Variants in SUSD4 observed in about 807,000 individuals in gnomAD.
SUSD4 encodes sushi domain containing 4.
Under a neutral mutation model 50.5 loss-of-function variants are expected in SUSD4, and 41 were observed. The ratio of observed to expected loss-of-function variants is 0.81; its 90% confidence interval spans 0.63 to 1.05. SUSD4 has a LOEUF of 1.05. Among genes scored for constraint, SUSD4 ranks in the 50% least tolerant of loss-of-function variants. SUSD4 has a pLI of 0.00. For missense variants in SUSD4, 580 were observed against 634.7 expected (o/e 0.91, Z 0.93); for synonymous variants, 257 against 257.3 (o/e 1.00, Z 0.01).
At chr1:223,239,424 T>G (rs755219302) in intron 5 of SUSD4, among the ~76,000 whole-genome samples, 2 of 152,122 alleles carry the variant, frequency 1.3e-5, no homozygotes, top group Non-Finnish European at 2.9e-5. Flanking sequence ...TATTGTTATC[T>G]TCCACTTTTT....
At chr1:223,274,979 A>C (rs1663159402) in intron 3 of SUSD4, among the ~76,000 whole-genome samples, 1 of 152,216 alleles carries the variant, frequency 6.6e-6, no homozygotes, top group Non-Finnish European at 1.5e-5. Flanking sequence ...AAAAATACTG[A>C]CTGTTCAGTG....
chr1:223,293,326 C>G (rs1215988862), intron 2 of SUSD4, among the ~76,000 whole-genome samples: 1 of 152,178 alleles, frequency 6.6e-6, no homozygotes. Context: ...CTGCCTCATC[C>G]CTACTTTGTT....
intron 3 of SUSD4, among the ~76,000 whole-genome samples, chr1:223,284,597 G>GA (rs1301647561): frequency 1.3e-5 from 2 of 152,156 alleles, no homozygotes; most frequent in Non-Finnish European, 1.5e-5. Flanking sequence ...CCAAGATATG[G>GA]AATCAACCTC....
At chr1:223,266,819 T>C (rs1450044809) in intron 4 of SUSD4, among the ~76,000 whole-genome samples, 1 of 152,218 alleles carries the variant, frequency 6.6e-6, no homozygotes, top group African/African-American at 2.4e-5. Context: ...GGTGTCAGAC[T>C]GTCCAAGGCA....
intron 3 of SUSD4, among the ~76,000 whole-genome samples, chr1:223,281,031 G>A (rs2103115696): frequency 6.6e-6 from 1 of 152,312 alleles, no homozygotes; most frequent in South Asian, 2.1e-4. Context: ...GATGTTCTTT[G>A]AAACCAATGA....
intron 1 of SUSD4, 142 bp from the exon 2 acceptor site, chr1:223,363,602 TC>T: frequency 2.0e-6 from 2 of 1,008,580 alleles, no homozygotes; most frequent in South Asian, 2.3e-5. Context: ...CCGCCCCCTT[TC>T]CCACGGCGAG....
At chr1:223,364,869 T>C (rs1035663870), upstream of SUSD4, among the ~76,000 whole-genome samples, 4 of 152,086 alleles carry the variant, frequency 2.6e-5, no homozygotes, top group African/African-American at 7.2e-5. This position sits in a 1 kb window ranked among gnomAD's most constrained non-coding sequence, Gnocchi z 4.5. Context: ...CCGCCGAAGC[T>C]CTGCGCGTCC....
intron 2 of SUSD4, among the ~76,000 whole-genome samples, chr1:223,322,611 C>G (rs1484767913): frequency 1.3e-5 from 2 of 151,914 alleles, no homozygotes; most frequent in African/African-American, 2.4e-5. Flanking sequence ...GTAGGCAGCC[C>G]TGGGGTGTGT....
rs851150 is a variant in SUSD4, at chr1:223,223,538, G to T, written c.1155C>A (p.Gly385=). Residue 385 remains glycine, a synonymous_variant, in exon 8 of 9, where the codon GGC becomes GGA. Transcript: ENST00000366878. ...ACCCGGGGCCTAAGGCACTCAAGCC[G>T]CCACTCACAGCTTCGTCATAGGACG... is the stretch of plus-strand genomic sequence containing the variant. ...MLPSYDEAVS[G]GLSALGPGYM... The T allele has an allele frequency of 2.9e-5, 46 of 1,612,930 alleles. No homozygotes were observed. In the East Asian group the frequency reaches 9.6e-4, roughly 34 times the overall value.
In SUSD4 at chr1:223,221,436, A is replaced by T; in HGVS notation, c.*756T>A. On this transcript the variant is annotated 3_prime_UTR_variant, in exon 9 of 9. Coordinates refer to ENST00000366878, the MANE Select transcript of SUSD4 (RefSeq NM_017982.4). ...ACCATGTGTAAAAACCACCAGATTTACCCAATGCCATGGATCCATGTGCCA... is the reference window on the plus strand; with the variant it reads ...ACCATGTGTAAAAACCACCAGATTTTCCCAATGCCATGGATCCATGTGCCA... The T allele has an allele frequency of 1.8e-5, 4 of 218,504 alleles. No individual in the cohort carries two copies. The highest frequency in any genetic ancestry group is 3.6e-5 in the Non-Finnish European group (4 of 111,714). 13.5% of individuals were successfully genotyped at this position (218,504 alleles called of 1,614,324 possible).
At position 223,339,493 on chromosome 1, in the gene SUSD4, C is replaced by A. The variant is rs556354469; in HGVS notation, c.148+23785G>T. On this transcript the variant is annotated intron_variant, in intron 2 of 8. Transcript: ENST00000366878. ...AGGACAGAGGGACCCATCCCTCCAA[C>A]CCGCCATCTCCCTTCTCACCTGCCA... Among the ~76,000 whole-genome samples, 13 of 152,248 alleles carry A rather than the reference C, an allele frequency of 8.5e-5. No individual in the cohort carries two copies. In the East Asian group the frequency reaches 2.3e-3, roughly 27 times the overall value.
chr1:223,283,079 T>G (rs1043240587), intron 3 of SUSD4, among the ~76,000 whole-genome samples: 5 of 152,150 alleles, frequency 3.3e-5, no homozygotes, highest in African/African-American at 1.2e-4. Context: ...GAAAATTAAA[T>G]TCAAGATGGA....
At chr1:223,331,376 T>C (rs1667161322) in intron 2 of SUSD4, among the ~76,000 whole-genome samples, 1 of 151,864 alleles carries the variant, frequency 6.6e-6, no homozygotes, top group Non-Finnish European at 1.5e-5. Context: ...AAGCCTTTCC[T>C]TTTTTCTTTA....
intron 2 of SUSD4, among the ~76,000 whole-genome samples, chr1:223,300,168 T>G (rs1342984809): frequency 2.6e-5 from 4 of 152,148 alleles, no homozygotes; most frequent in Non-Finnish European, 2.9e-5. Flanking sequence ...CAGTACCCCC[T>G]GGGGCTGACA....
intron 5 of SUSD4, 39 bp downstream of exon 5, chr1:223,264,591 A>G: frequency 6.2e-7 from 1 of 1,607,856 alleles, no homozygotes; most frequent in Non-Finnish European, 8.5e-7. Flanking sequence ...TCCCTTTAAT[A>G]ATACAAAATA....
chr1:223,276,575 T>C (rs928642559), intron 3 of SUSD4, among the ~76,000 whole-genome samples: 2 of 152,244 alleles, frequency 1.3e-5, no homozygotes, highest in African/African-American at 2.4e-5. Context: ...TTATTTCCTA[T>C]GGATTTTCTT....
intron 2 of SUSD4, among the ~76,000 whole-genome samples, chr1:223,320,633 A>T (rs1181096872): frequency 6.6e-6 from 1 of 152,176 alleles, no homozygotes; most frequent in African/African-American, 2.4e-5. Flanking sequence ...GAATTCCTAC[A>T]AAAGAAAATA....
Position 223,223,451 on chromosome 1 carries a change from G to T in SUSD4, c.1242C>A (p.Tyr414Ter), listed in dbSNP as rs1361658964. Reference protein sequence around the residue: ...LPVDDQSPPAYPGSGDTDTGP... With the variant: ...LPVDDQSPPA ...CTGTGTCCGTGTCCCCTGAGCCGGGGTATGCTGGGGGGCTCTGGTCGTCCA... is the reference window on the plus strand; with the variant it reads ...CTGTGTCCGTGTCCCCTGAGCCGGGTTATGCTGGGGGGCTCTGGTCGTCCA... Residue 414 changes from tyrosine (Y) to a stop codon, truncating the protein, a stop_gained, in exon 8 of 9, where the codon TAC becomes TAA. Coordinates refer to ENST00000366878, the MANE Select transcript of SUSD4 (RefSeq NM_017982.4). LOFTEE classifies it high-confidence loss of function. 1.9e-6 allele frequency: 3 copies of T among 1,613,966 alleles called. No homozygotes were observed. The highest frequency in any genetic ancestry group is 1.7e-5 in the Admixed American group (1 of 59,998).
chr1:223,323,108 T>C (rs2103251505), intron 2 of SUSD4, among the ~76,000 whole-genome samples: 1 of 151,904 alleles, frequency 6.6e-6, no homozygotes, highest in Middle Eastern at 3.4e-3. Context: ...CTGGGGAGCA[T>C]GTTCCTGCTC....
Sources: allele counts gnomAD v4.1 joint callset (sites outside exome capture counted in the v4.1 genomes callset), GRCh38; gene constraint gnomAD v4.1.1; non-coding constraint Gnocchi (gnomAD v3.1); transcripts MANE v1.5; gene names NCBI Gene and HGNC (gene_info 2026-07-23, HGNC 2026-07-21).